The following WDR41 variants were observed in gnomAD, a reference collection of about 807,000 sequenced individuals.
The protein encoded by WDR41 is WD repeat-containing protein 41.
Under a neutral mutation model 69.3 loss-of-function variants are expected in WDR41, and 63 were observed. That is an observed-to-expected ratio of 0.91 (90% CI 0.74 to 1.12). The LOEUF (loss-of-function observed/expected upper bound fraction) is 1.12, where lower values mean the gene tolerates loss of function less well. Ranked by LOEUF, WDR41 falls within the 50% of genes most tolerant of loss-of-function variation. The pLI, the probability that WDR41 is intolerant of heterozygous loss-of-function variation, is 0.00. For synonymous variants in WDR41, 185 were observed against 192.1 expected, an observed-to-expected ratio of 0.96 and a Z score of 0.31; for missense variants, 543 against 534.5, an observed-to-expected ratio of 1.02 and a Z score of -0.16.
intron 2 of WDR41, among the ~76,000 whole-genome samples, chr5:77,486,341 T>C (rs1312663268): frequency 6.6e-6 from 1 of 152,222 alleles, no homozygotes; most frequent in Non-Finnish European, 1.5e-5. Context: ...ATATCATCAC[T>C]GTATTACAAA....
At chr5:77,578,864 CAAAA>C (rs55920763) in intron 1 of WDR41, among the ~76,000 whole-genome samples, 103 of 77,158 alleles carry the variant, frequency 1.3e-3, no homozygotes, top group African/African-American at 3.9e-3. Flanking sequence ...AACTCCATCT[CAAAA>C]AAAAAAAAAA....
intron 1 of WDR41, among the ~76,000 whole-genome samples, chr5:77,595,815 G>T (rs891514936): frequency 1.3e-5 from 2 of 152,006 alleles, no homozygotes; most frequent in African/African-American, 2.4e-5. Flanking sequence ...TTCATCCGTG[G>T]CGTCCTCAAA....
At chr5:77,592,846 G>C (rs1744156969) in intron 1 of WDR41, among the ~76,000 whole-genome samples, 1 of 152,166 alleles carries the variant, frequency 6.6e-6, no homozygotes, top group African/African-American at 2.4e-5. Context: ...CCTTGTGATT[G>C]ACCTTAGCTA....
At chr5:77,598,912 T>C (rs368806421) in intron 1 of WDR41, among the ~76,000 whole-genome samples, 1 of 152,122 alleles carries the variant, frequency 6.6e-6, no homozygotes, top group African/African-American at 2.4e-5. Flanking sequence ...AAGATTCTCA[T>C]AGTATTTGGT....
At chr5:77,568,920 T>G (rs949451482) in intron 1 of WDR41, among the ~76,000 whole-genome samples, 1 of 152,052 alleles carries the variant, frequency 6.6e-6, no homozygotes, top group Non-Finnish European at 1.5e-5. Context: ...AAGAGAAAAT[T>G]GTTTTGTATT....
chr5:77,599,761 T>C (rs1053434006), intron 1 of WDR41, among the ~76,000 whole-genome samples: 4 of 152,180 alleles, frequency 2.6e-5, no homozygotes, highest in Non-Finnish European at 5.9e-5. Context: ...TGGGAGGTGG[T>C]GGCATGGAGA....
intron 8 of WDR41, 113 bp downstream of exon 8, chr5:77,449,647 C>T (rs1799542035): frequency 1.4e-6 from 1 of 698,854 alleles, no homozygotes; most frequent in South Asian, 2.0e-5. Context: ...ATGACAATCC[C>T]ATTATTTTAG....
chr5:77,480,547 C>T (rs957361098), intron 2 of WDR41, among the ~76,000 whole-genome samples: 2 of 152,062 alleles, frequency 1.3e-5, no homozygotes, highest in Admixed American at 1.3e-4. Context: ...AATTGGAAAA[C>T]ATCATGCTCA....
At chr5:77,465,722 T>A (rs75673952) in intron 2 of WDR41, among the ~76,000 whole-genome samples, 2 of 29,868 alleles carry the variant, frequency 6.7e-5, no homozygotes, top group East Asian at 1.5e-3. Flanking sequence ...AAATTCAGGC[T>A]TTTTTTTTTT....
chr5:77,531,077 T>A (rs1802522824), intron 1 of WDR41, among the ~76,000 whole-genome samples: 1 of 151,890 alleles, frequency 6.6e-6, no homozygotes. Flanking sequence ...GGGGTAAATC[T>A]TCATGACCTC....
At chr5:77,596,074 A>G (rs1177433347) in intron 1 of WDR41, among the ~76,000 whole-genome samples, 1 of 152,062 alleles carries the variant, frequency 6.6e-6, no homozygotes, top group Admixed American at 6.6e-5. Context: ...AAACAAAATG[A>G]CTCCATTTTA....
At position 77,433,043 on chromosome 5, in the gene WDR41, C is replaced by A; in HGVS notation, c.*92G>T. On this transcript the variant is annotated 3_prime_UTR_variant, in exon 13 of 13. Coordinates refer to ENST00000296679, the MANE Select transcript of WDR41 (RefSeq NM_018268.4). ...TTTATGGACTGACAAAAAAAATTAC[C>A]AATTTAAGTGATCAATATATTAATG... The A allele has an allele frequency of 1.5e-6, 2 of 1,354,978 alleles. No homozygotes were observed. Among genetic ancestry groups the A allele is most frequent in the African/African-American group, 1.5e-5 (1 of 66,992 alleles). 83.9% of individuals were successfully genotyped at this position (1,354,978 alleles called of 1,614,324 possible). A position where few individuals can be genotyped will look rare whatever the true frequency, so the allele number is the denominator to read the frequency against.
intron 1 of WDR41, 64 bp downstream of exon 1, chr5:77,492,106 A>C (rs1581770185): frequency 6.3e-7 from 1 of 1,586,362 alleles, no homozygotes; most frequent in East Asian, 2.3e-5. Context: ...GGAAGGCCGA[A>C]CCGGAACGAA....
chr5:77,549,380 TAA>T, intron 1 of WDR41, among the ~76,000 whole-genome samples: 1 of 152,142 alleles, frequency 6.6e-6, no homozygotes, highest in East Asian at 1.9e-4. Flanking sequence ...AAAAGGCTCC[TAA>T]AACTGATAAA....
intron 1 of WDR41, among the ~76,000 whole-genome samples, chr5:77,545,118 C>G (rs1352462021): frequency 6.6e-6 from 1 of 152,000 alleles, no homozygotes; most frequent in Non-Finnish European, 1.5e-5. Flanking sequence ...GTTCTTCAGA[C>G]TGAACAATAG....
chr5:77,544,186 A>C (rs1264003504), intron 1 of WDR41, among the ~76,000 whole-genome samples: 1 of 152,116 alleles, frequency 6.6e-6, no homozygotes, highest in Non-Finnish European at 1.5e-5. Context: ...ACACATCAAA[A>C]CAGAACTTCT....
At chr5:77,474,425 TTAAAGTA>T (rs1800789403) in intron 2 of WDR41, among the ~76,000 whole-genome samples, 2 of 150,328 alleles carry the variant, frequency 1.3e-5, no homozygotes, top group South Asian at 4.3e-4. Context: ...ACCCTAAAAC[TTAAAGTA>T]TAACAACAAA....
intron 1 of WDR41, among the ~76,000 whole-genome samples, chr5:77,525,923 C>T (rs1160400174): frequency 6.6e-6 from 1 of 152,190 alleles, no homozygotes; most frequent in Non-Finnish European, 1.5e-5. Flanking sequence ...TCCACTGCAA[C>T]ACACGCCAGC....
chr5:77,489,089 A>G (rs572000681), intron 2 of WDR41, among the ~76,000 whole-genome samples: 1 of 152,328 alleles, frequency 6.6e-6, no homozygotes, highest in South Asian at 2.1e-4. Flanking sequence ...CCTGGTAGGT[A>G]CCTGATACTT....
Sources: gnomAD v4.1 joint callset for allele counts (sites outside exome capture counted in the v4.1 genomes callset) on GRCh38, gnomAD v4.1.1 for gene constraint, MANE v1.5 for transcripts, NCBI Gene and HGNC (gene_info 2026-07-23, HGNC 2026-07-21) for gene names.